The following ABR variants were observed in gnomAD, a reference collection of about 807,000 sequenced individuals.
The protein encoded by ABR is ABR activator of RhoGEF and GTPase.
In ABR, 35 loss-of-function variants were observed where a neutral mutation model predicts 107.2. The observed-to-expected ratio is 0.33, with a 90% CI of 0.25 to 0.43. ABR has a LOEUF of 0.43. Among genes scored for constraint, ABR ranks in the 20% least tolerant of loss-of-function variants. The pLI is 1.00. For synonymous variants in ABR, 498 were observed against 462.0 expected, an observed-to-expected ratio of 1.08 and a Z score of -1.00; for missense variants, 815 against 1,115.2, an observed-to-expected ratio of 0.73 and a Z score of 3.83.
At chr17:1,171,793 T>C (rs1320374651) in intron 1 of ABR, among the ~76,000 whole-genome samples, 7 of 152,060 alleles carry the variant, frequency 4.6e-5, no homozygotes, top group African/African-American at 1.7e-4. Flanking sequence ...TAGCCGGGCG[T>C]GGTGGCAGCA....
At chr17:1,086,138 C>T (rs1211049917) in intron 4 of ABR, among the ~76,000 whole-genome samples, 5 of 152,086 alleles carry the variant, frequency 3.3e-5, no homozygotes, top group Admixed American at 2.6e-4. Flanking sequence ...AAGAGCAAGA[C>T]CCCGTCTCAA....
chr17:1,038,194 A>G (rs950898225), intron 16 of ABR, among the ~76,000 whole-genome samples: 1 of 152,082 alleles, frequency 6.6e-6, no homozygotes, highest in African/African-American at 2.4e-5. Context: ...GGCACACCTC[A>G]GCGCCCCGCC....
chr17:1,124,595 G>GTC (rs2039507018), intron 2 of ABR, among the ~76,000 whole-genome samples: 1 of 152,264 alleles, frequency 6.6e-6, no homozygotes, highest in Admixed American at 6.5e-5. Context: ...TCCCTGGCCT[G>GTC]TCTCAGAGCA....
In ABR at chr17:1,194,701, T is replaced by G. The variant is rs1461635543; in HGVS notation, c.838+34092A>C. 2.4e-5 allele frequency among the ~76,000 whole-genome samples: 3 copies of G among 124,776 alleles called. 1 individual carries two copies. Among genetic ancestry groups the G allele is most frequent in the East Asian group, 3.8e-4 (1 of 2,664 alleles). 81.9% of individuals were successfully genotyped at this position (124,776 alleles called of 152,430 possible). ...TGGAGTCTCGCTCTGTTGCCCAGGCTGGAGTGCAGTGGTGCGGTCTCAGCT... is the reference window on the plus strand; with the variant it reads ...TGGAGTCTCGCTCTGTTGCCCAGGCGGGAGTGCAGTGGTGCGGTCTCAGCT... On this transcript the variant is annotated intron_variant, in intron 1 of 22. Transcript: ENST00000574139.
At chr17:1,141,920 G>A (rs1444547886) in intron 1 of ABR, among the ~76,000 whole-genome samples, 5 of 151,938 alleles carry the variant, frequency 3.3e-5, no homozygotes, top group Admixed American at 2.6e-4. Flanking sequence ...CACCACGCCC[G>A]GATAATTTTG....
rs1177500218 is a variant in ABR at position 1,091,749 on chromosome 17, G to C, written c.447C>G (p.Ile149Met). The change falls in exon 4 of 23, where the codon ATC (isoleucine) becomes ATG (methionine). Residue 149 changes from isoleucine to methionine, a missense_variant. Physicochemically the swap from Ile to Met is conservative, Grantham distance 10. Around this residue, in one of 5 missense-constraint regions of ABR, gnomAD observed 385 missense variants for 596.9 expected, o/e 0.64. Transcript: ENST00000302538. ...ACAGGTTGTCATAGAACTCCTTGTG[G>C]ATCTCATAGATGTCCTGGATCTTGT... is the stretch of plus-strand genomic sequence containing the variant. ...IFYKIQDIYE[I>M]HKEFYDNLCP... The C allele has an allele frequency of 1.2e-6, 2 of 1,614,206 alleles. No individual in the cohort carries two copies. Among genetic ancestry groups the C allele is most frequent in the Non-Finnish European group, 1.7e-6 (2 of 1,180,034 alleles).
rs950533927 is a variant in ABR, at chr17:1,051,268, C to A, written c.1562-634G>T. On this transcript the variant is annotated intron_variant, in intron 14 of 22. Transcript: ENST00000302538. The surrounding 1 kb of genome is among the most constrained non-coding windows in gnomAD (Gnocchi z 4.3). Reference sequence around the variant, plus strand: ...ACTCGTGCGTCCCTAGTCTCTCTCCCCCCACGACGTAAACACCATGTGGAG... The same window carrying A: ...ACTCGTGCGTCCCTAGTCTCTCTCCACCCACGACGTAAACACCATGTGGAG... Among the ~76,000 whole-genome samples the A allele has an allele frequency of 6.6e-6, 1 of 152,180 alleles. No homozygotes were observed. The highest frequency in any genetic ancestry group is 1.9e-4 in the East Asian group (1 of 5,192).
chr17:1,105,003 CTTT>C (rs748696872), intron 2 of ABR, among the ~76,000 whole-genome samples: 6 of 125,760 alleles, frequency 4.8e-5, no homozygotes, highest in Admixed American at 1.6e-4. Context: ...TTTACAGTAA[CTTT>C]TTTTTTTTTT....
intron 1 of ABR, among the ~76,000 whole-genome samples, chr17:1,134,195 C>G (rs1176552328): frequency 2.6e-4 from 39 of 152,014 alleles, no homozygotes. Flanking sequence ...GGTGGATCAC[C>G]TGAGGTCAGA....
At position 1,058,756 on chromosome 17, in the gene ABR, G is replaced by A. The variant is rs200250455; in HGVS notation, c.1294C>T (p.Arg432Trp). The A allele has an allele frequency of 5.6e-6, 9 of 1,613,870 alleles. No individual in the cohort carries two copies. Among genetic ancestry groups the A allele is most frequent in the East Asian group, 2.2e-5 (1 of 44,874 alleles). ...CCACCCATCCTGACCTTTCCATTCC[G>A]ATTGTGGATCCTGAACGGGATTGTG... is the stretch of plus-strand genomic sequence containing the variant. Reference protein sequence around the residue: ...SPTIPFRIHNRNGKSYLFLLS... With the variant: ...SPTIPFRIHNWNGKSYLFLLS... The change falls in exon 11 of 23, where the codon CGG (arginine) becomes TGG (tryptophan). Residue 432 changes from arginine (R) to tryptophan (W), a missense_variant. By Grantham distance (101) the Arg-to-Trp change is moderately radical. Around this residue, in one of 5 missense-constraint regions of ABR, gnomAD observed 385 missense variants for 596.9 expected, o/e 0.64. Transcript: ENST00000302538.
At chr17:1,208,099 C>T (rs1301304924) in intron 1 of ABR, among the ~76,000 whole-genome samples, 2 of 152,178 alleles carry the variant, frequency 1.3e-5, no homozygotes, top group Non-Finnish European at 2.9e-5. Context: ...CCATTGATAT[C>T]AGAGATGGCC....
At chr17:1,162,655 T>C (rs2041349523) in intron 1 of ABR, among the ~76,000 whole-genome samples, 1 of 151,390 alleles carries the variant, frequency 6.6e-6, no homozygotes, top group Non-Finnish European at 1.5e-5. Flanking sequence ...CCCTAATGGA[T>C]GTGGCTCACA....
rs1055757276 is a variant in ABR at position 1,071,534 on chromosome 17, CAAG to C, written c.894+1077_894+1079del. On this transcript the variant is annotated intron_variant, in intron 8 of 22. Coordinates refer to ENST00000302538, the MANE Select transcript of ABR (RefSeq NM_021962.5). The surrounding 1 kb of genome is among the most constrained non-coding windows in gnomAD (Gnocchi z 5.1). ...TGCTGGGCTGTCCCCACCCTTGCAT[CAAG>C]AAGGGCCCCCAGGGAACGGCTGTCC... Among the ~76,000 whole-genome samples, 12 of 152,232 alleles carry C rather than the reference CAAG, an allele frequency of 7.9e-5. No individual in the cohort carries two copies. Among genetic ancestry groups the C allele is most frequent in the Admixed American group, 5.2e-4 (8 of 15,290 alleles).
In ABR at chr17:1,079,168, ACGCGCACT is replaced by A. The variant is rs1324384159; in HGVS notation, c.700+154_700+161del. ...GGCTAGAGTCCTCGCGTGCGCGCAC[ACGCGCACT>A]CAGCTCACACTCACACGCGCTCACA... On this transcript the variant is annotated intron_variant, in intron 6 of 22. Transcript: ENST00000302538. 1.5e-4 allele frequency: 219 copies of A among 1,458,220 alleles called. 2 individuals are homozygous for A. In the East Asian group the frequency reaches 5.2e-3, roughly 35 times the overall value. The allele number at this position is 1,458,220 out of a possible 1,614,324, so 90.3% of individuals were successfully genotyped here.
chr17:1,056,166 C>T (rs2033247566), intron 13 of ABR, 57 bp from the exon 14 acceptor site: 1 of 1,483,350 alleles, frequency 6.7e-7, no homozygotes, highest in Non-Finnish European at 9.4e-7. Flanking sequence ...CCTCAGCCTC[C>T]ACCCCAGGCC....
At chr17:1,115,376 C>T (rs1295478635) in intron 2 of ABR, 1 of 152,424 alleles carries the variant, frequency 6.6e-6, no homozygotes, top group Non-Finnish European at 1.5e-5. Context: ...TTTCTCCCGC[C>T]TCTTGGCTTC....
intron 1 of ABR, among the ~76,000 whole-genome samples, chr17:1,136,770 G>C (rs2040082290): frequency 6.6e-6 from 1 of 152,150 alleles, no homozygotes; most frequent in South Asian, 2.1e-4. Flanking sequence ...CTCTGGATTG[G>C]GCTCCGGCTC....
chr17:1,198,862 T>C (rs1164176774), intron 1 of ABR, among the ~76,000 whole-genome samples: 1 of 146,380 alleles, frequency 6.8e-6, no homozygotes, highest in Non-Finnish European at 1.5e-5. Flanking sequence ...TATGATCTCC[T>C]GAACTTGGGA....
In ABR at chr17:1,210,744, C is replaced by A. The variant is rs2042886562; in HGVS notation, c.838+18049G>T. Reference sequence around the variant, plus strand: ...CCAACTGGCAACTCCTATCTACTCACACACAAACTCAAAAGGGCTTTTTCC... The same window carrying A: ...CCAACTGGCAACTCCTATCTACTCAAACACAAACTCAAAAGGGCTTTTTCC... On this transcript the variant is annotated intron_variant, in intron 1 of 22. Transcript: ENST00000574139. This position sits in a 1 kb window ranked among gnomAD's most constrained non-coding sequence, Gnocchi z 5.6. Among the ~76,000 whole-genome samples, 1 of 152,238 alleles carries A rather than the reference C, an allele frequency of 6.6e-6. No homozygotes were observed. Among genetic ancestry groups the A allele is most frequent in the Non-Finnish European group, 1.5e-5 (1 of 68,046 alleles).
Sources: allele counts gnomAD v4.1 joint callset (sites outside exome capture counted in the v4.1 genomes callset), GRCh38; gene constraint gnomAD v4.1.1; regional missense constraint gnomAD v4.1.1; non-coding constraint Gnocchi (gnomAD v3.1); transcripts MANE v1.5; gene names NCBI Gene and HGNC (gene_info 2026-07-23, HGNC 2026-07-21).